Variants in VWC2L observed in about 807,000 individuals in gnomAD.
VWC2L encodes von Willebrand factor C domain-containing protein 2-like.
VWC2L carries 10 observed loss-of-function variants against 21.6 expected under a neutral mutation model. The observed-to-expected ratio is 0.46, with a 90% CI of 0.29 to 0.78. The LOEUF (loss-of-function observed/expected upper bound fraction) is 0.78. Ranked by LOEUF, VWC2L falls within the 30% of genes least tolerant of loss-of-function variation. The probability of loss-of-function intolerance (pLI) is 0.10; values close to 1 mark genes in which losing one functional copy is unlikely to be tolerated. For missense variants in VWC2L, 209 were observed against 277.1 expected (o/e 0.75, Z 1.74); for synonymous variants, 96 against 94.3 (o/e 1.02, Z -0.10).
chr2:214,516,475 C>T (rs1202598948), intron 3 of VWC2L, among the ~76,000 whole-genome samples: 1 of 152,134 alleles, frequency 6.6e-6, no homozygotes, highest in Non-Finnish European at 1.5e-5. Context: ...AGATACCAGA[C>T]TAGGCAGTTT....
intron 3 of VWC2L, among the ~76,000 whole-genome samples, chr2:214,465,411 T>C (rs574182816): frequency 6.6e-6 from 1 of 152,094 alleles, no homozygotes; most frequent in African/African-American, 2.4e-5. Context: ...TGACTCAGGG[T>C]GTGTCTAGAA....
chr2:214,567,542 CCACATACA>C (rs1197614004), intron 3 of VWC2L, among the ~76,000 whole-genome samples: 62 of 86,754 alleles, frequency 7.1e-4, no homozygotes, highest in African/African-American at 2.0e-3. Context: ...ACCCCTTCAT[CCACATACA>C]CACACACACA....
chr2:214,470,612 G>A (rs934137929), intron 3 of VWC2L, among the ~76,000 whole-genome samples: 5 of 151,934 alleles, frequency 3.3e-5, no homozygotes, highest in Admixed American at 3.3e-4. Flanking sequence ...ACCTCCTATT[G>A]AAACAAATAG....
At chr2:214,476,965 C>A (rs1487760906) in intron 3 of VWC2L, among the ~76,000 whole-genome samples, 1 of 152,124 alleles carries the variant, frequency 6.6e-6, no homozygotes. Flanking sequence ...AGCATCGGAG[C>A]CCCTTTTAGA....
intron 3 of VWC2L, among the ~76,000 whole-genome samples, chr2:214,470,565 C>G (rs1035951567): frequency 6.6e-6 from 1 of 151,850 alleles, no homozygotes; most frequent in Admixed American, 6.6e-5. Context: ...ATATTAATGG[C>G]AACATTTACT....
chr2:214,444,602 T>G (rs773883787), intron 3 of VWC2L, among the ~76,000 whole-genome samples: 4 of 151,982 alleles, frequency 2.6e-5, no homozygotes, highest in African/African-American at 9.6e-5. Flanking sequence ...CATGAAAAAA[T>G]GCATTTGGGG....
chr2:214,543,391 A>G (rs1689657914), intron 3 of VWC2L, among the ~76,000 whole-genome samples: 1 of 152,230 alleles, frequency 6.6e-6, no homozygotes, highest in Non-Finnish European at 1.5e-5. Flanking sequence ...ACTGGATAGG[A>G]ATTATAGGGA....
intron 3 of VWC2L, among the ~76,000 whole-genome samples, chr2:214,561,789 TA>T (rs1689977157): frequency 1.2e-4 from 1 of 8,592 alleles, no homozygotes; most frequent in African/African-American, 1.8e-4. Context: ...AAAAATTATA[TA>T]TATATATATA....
chr2:214,417,409 T>C (rs929182303), intron 2 of VWC2L, among the ~76,000 whole-genome samples: 5 of 152,096 alleles, frequency 3.3e-5, no homozygotes, highest in East Asian at 1.9e-4. Context: ...TCCCAAGAGA[T>C]TGTGATGGCA....
intron 3 of VWC2L, among the ~76,000 whole-genome samples, chr2:214,512,758 A>T (rs528362220): frequency 1.3e-5 from 2 of 151,586 alleles, no homozygotes; most frequent in South Asian, 2.1e-4. Context: ...ACAGTGGTAG[A>T]CTACAGGAAG....
chr2:214,470,916 C>CAAAAAAAAAAAAAAAAAAAAAA (rs56041924), intron 3 of VWC2L, among the ~76,000 whole-genome samples: 9 of 50,796 alleles, frequency 1.8e-4, no homozygotes, highest in Admixed American at 7.2e-4. Context: ...AACTCCATCT[C>CAAAAAAAAAAAAAAAAAAAAAA]AAAAAAAAAA....
intron 3 of VWC2L, among the ~76,000 whole-genome samples, chr2:214,564,434 G>A (rs1277741326): frequency 2.6e-5 from 4 of 151,736 alleles, no homozygotes; most frequent in African/African-American, 4.8e-5. Flanking sequence ...CAAGGCAACA[G>A]TAACCAAAAC....
intron 3 of VWC2L, among the ~76,000 whole-genome samples, chr2:214,567,064 G>C (rs1046879247): frequency 3.9e-5 from 6 of 152,226 alleles, no homozygotes; most frequent in African/African-American, 1.2e-4. Flanking sequence ...ATAGGAACCT[G>C]CCTCATTTAT....
chr2:214,411,996 A>C (rs1310372709), intron 1 of VWC2L, among the ~76,000 whole-genome samples: 1 of 152,030 alleles, frequency 6.6e-6, no homozygotes, highest in Non-Finnish European at 1.5e-5. Flanking sequence ...AGTATCTTAA[A>C]TTGTACTAGG....
chr2:214,470,996 G>A (rs1703300598), intron 3 of VWC2L, among the ~76,000 whole-genome samples: 1 of 150,620 alleles, frequency 6.6e-6, no homozygotes. Flanking sequence ...TTAGGTTCAA[G>A]GTCATACTTT....
intron 2 of VWC2L, among the ~76,000 whole-genome samples, chr2:214,435,262 T>C (rs949836343): frequency 1.3e-5 from 2 of 152,162 alleles, no homozygotes; most frequent in African/African-American, 2.4e-5. Flanking sequence ...GAGAATGCAA[T>C]AGATTTCTCT....
rs1350115285 is a variant in VWC2L, at chr2:214,576,507, T to C, written c.*687T>C. On this transcript the variant is annotated 3_prime_UTR_variant, in exon 4 of 4. Transcript: ENST00000312504. ...TAATTCTTACAAACCACACATTTCA[T>C]ATGGAAAACCTCGAAACTGCCAATC... 3 of 152,142 alleles carry C rather than the reference T, an allele frequency of 2.0e-5. No individual in the cohort carries two copies. Among genetic ancestry groups the C allele is most frequent in the Non-Finnish European group, 4.4e-5 (3 of 68,034 alleles). 9.4% of individuals were successfully genotyped at this position (152,142 alleles called of 1,614,324 possible).
At chr2:214,472,023 T>C (rs1228888659) in intron 3 of VWC2L, 2 of 152,198 alleles carry the variant, frequency 1.3e-5, no homozygotes, top group Non-Finnish European at 2.9e-5. Context: ...TTAATGATTG[T>C]GTTTGGAGGA....
chr2:214,538,265 CA>C (rs1375325044), intron 3 of VWC2L, among the ~76,000 whole-genome samples: 3 of 152,036 alleles, frequency 2.0e-5, no homozygotes, highest in African/African-American at 7.2e-5. Flanking sequence ...ATCACTCTAC[CA>C]AATTACCACA....
Sources: allele counts gnomAD v4.1 joint callset (sites outside exome capture counted in the v4.1 genomes callset), GRCh38; gene constraint gnomAD v4.1.1; transcripts MANE v1.5; gene names NCBI Gene and HGNC (gene_info 2026-07-23, HGNC 2026-07-21).